Variants in CFAP299 observed in about 807,000 individuals in gnomAD.
CFAP299 encodes cilia- and flagella-associated protein 299.
CFAP299 carries 21 observed loss-of-function variants against 27.0 expected under a neutral mutation model. The ratio of observed to expected loss-of-function variants is 0.78; its 90% confidence interval spans 0.55 to 1.12. CFAP299 has a LOEUF of 1.12. CFAP299 is among the 50% of genes most tolerant of loss of function. CFAP299 has a pLI of 0.00. For missense variants in CFAP299, 310 were observed against 276.6 expected, an observed-to-expected ratio of 1.12 and a Z score of -0.86; for synonymous variants, 104 against 98.1, an observed-to-expected ratio of 1.06 and a Z score of -0.36.
chr4:80,440,484 A>G lies in CFAP299; in HGVS notation c.242+77600A>G, dbSNP rs1263142329. The stretch of plus-strand genomic sequence containing the variant: ...GGGCCTGACTGATAGAAGGAAAGCT[A>G]ACAAACAGAAATCAATAACATCAAC... On this transcript the variant is annotated intron_variant, in intron 2 of 5. Coordinates refer to ENST00000358105, the MANE Select transcript of CFAP299 (RefSeq NM_152770.3). 2.0e-5 allele frequency among the ~76,000 whole-genome samples: 3 copies of G among 152,212 alleles called. No individual in the cohort carries two copies. In the East Asian group the frequency reaches 5.8e-4, roughly 29 times the overall value.
intron 2 of CFAP299, among the ~76,000 whole-genome samples, chr4:80,380,399 A>C (rs914756206): frequency 4.7e-5 from 7 of 150,140 alleles, no homozygotes; most frequent in Non-Finnish European, 8.9e-5. Flanking sequence ...TTTCTTCAGA[A>C]TATTATTTAG....
At chr4:80,859,574 C>A (rs1268530372) in intron 3 of CFAP299, among the ~76,000 whole-genome samples, 1 of 152,034 alleles carries the variant, frequency 6.6e-6, no homozygotes, top group African/African-American at 2.4e-5. Context: ...ATGTTTAGCA[C>A]TTCCTTCAGG....
chr4:80,447,031 A>G (rs1173609994), intron 2 of CFAP299, among the ~76,000 whole-genome samples: 3 of 150,684 alleles, frequency 2.0e-5, no homozygotes, highest in African/African-American at 7.3e-5. Context: ...AATATTTTTT[A>G]CCTACTGCTT....
intron 2 of CFAP299, among the ~76,000 whole-genome samples, chr4:80,492,521 T>C (rs1279426064): frequency 1.3e-5 from 2 of 152,160 alleles, no homozygotes; most frequent in African/African-American, 2.4e-5. Context: ...AGTTTTTATG[T>C]AAGAGAAAAT....
At chr4:80,740,426 C>T (rs535954193) in intron 3 of CFAP299, among the ~76,000 whole-genome samples, 1 of 152,242 alleles carries the variant, frequency 6.6e-6, no homozygotes, top group South Asian at 2.1e-4. Flanking sequence ...CTCTGGATTA[C>T]CAGGCAGAGA....
intron 3 of CFAP299, among the ~76,000 whole-genome samples, chr4:80,796,952 G>A (rs2110102793): frequency 6.6e-6 from 1 of 152,200 alleles, no homozygotes; most frequent in South Asian, 2.1e-4. Context: ...CTGGCACTGG[G>A]GAAATGACCA....
intron 3 of CFAP299, among the ~76,000 whole-genome samples, chr4:80,803,686 T>C (rs928841593): frequency 6.7e-6 from 1 of 150,072 alleles, no homozygotes; most frequent in African/African-American, 2.4e-5. Context: ...TTAATTTTAT[T>C]ATTTAATATA....
chr4:80,955,162 C>T (rs1198527303), intron 5 of CFAP299, among the ~76,000 whole-genome samples: 1 of 151,972 alleles, frequency 6.6e-6, no homozygotes, highest in East Asian at 1.9e-4. Context: ...TACTTTGGAG[C>T]AGTTGAAAGC....
intron 2 of CFAP299, chr4:80,387,047 C>T (rs1725049387): frequency 2.2e-6 from 3 of 1,388,984 alleles, no homozygotes; most frequent in African/African-American, 2.8e-5. Context: ...GAAACACCTT[C>T]TAGCAGTGTG....
chr4:80,447,580 A>C (rs1231958482), intron 2 of CFAP299, among the ~76,000 whole-genome samples: 1 of 151,908 alleles, frequency 6.6e-6, no homozygotes, highest in Non-Finnish European at 1.5e-5. Flanking sequence ...CCTCAGTCCC[A>C]TGTAGCTGGG....
chr4:80,379,287 T>G, intron 2 of CFAP299, among the ~76,000 whole-genome samples: 1 of 152,010 alleles, frequency 6.6e-6, no homozygotes. Flanking sequence ...TCATTTTTTA[T>G]CTCTGATATT....
intron 2 of CFAP299, among the ~76,000 whole-genome samples, chr4:80,568,893 G>T (rs1253334140): frequency 1.3e-5 from 2 of 152,112 alleles, no homozygotes; most frequent in South Asian, 4.1e-4. Flanking sequence ...CAAAAGATAA[G>T]TTTCTGGCCC....
chr4:80,647,046 G>A (rs1419472628), intron 3 of CFAP299, among the ~76,000 whole-genome samples: 1 of 151,538 alleles, frequency 6.6e-6, no homozygotes, highest in East Asian at 1.9e-4. Flanking sequence ...AGATATAGAT[G>A]TACATATAGA....
intron 3 of CFAP299, among the ~76,000 whole-genome samples, chr4:80,679,594 T>A (rs1719700527): frequency 6.6e-6 from 1 of 151,912 alleles, no homozygotes; most frequent in Non-Finnish European, 1.5e-5. Flanking sequence ...TATTATCACT[T>A]TTTTAAAAAA....
chr4:80,515,601 T>A (rs547385747), intron 2 of CFAP299, among the ~76,000 whole-genome samples: 5 of 152,326 alleles, frequency 3.3e-5, no homozygotes, highest in Admixed American at 3.3e-4. Context: ...CAGTGAACTT[T>A]CCTTCTAGAG....
intron 4 of CFAP299, among the ~76,000 whole-genome samples, chr4:80,904,840 A>G (rs910847319): frequency 7.9e-5 from 12 of 152,244 alleles, no homozygotes; most frequent in African/African-American, 2.9e-4. Flanking sequence ...TTTCTTCTCC[A>G]GGAAACTCTG....
intron 3 of CFAP299, among the ~76,000 whole-genome samples, chr4:80,849,433 G>T (rs1731373584): frequency 6.6e-6 from 1 of 152,104 alleles, no homozygotes; most frequent in African/African-American, 2.4e-5. Flanking sequence ...ATGGTAAAAA[G>T]AATTCCCTGA....
At chr4:80,790,689 A>T (rs1727511158) in intron 3 of CFAP299, among the ~76,000 whole-genome samples, 1 of 152,000 alleles carries the variant, frequency 6.6e-6, no homozygotes, top group Non-Finnish European at 1.5e-5. Context: ...AGCCCCTAGA[A>T]CACAAAAAAT....
At chr4:80,918,049 A>T (rs546371969) in intron 4 of CFAP299, among the ~76,000 whole-genome samples, 1 of 152,312 alleles carries the variant, frequency 6.6e-6, no homozygotes, top group African/African-American at 2.4e-5. Flanking sequence ...TTGCTGTACC[A>T]TTAGCTCTGC....
Sources: gnomAD v4.1 joint callset for allele counts (sites outside exome capture counted in the v4.1 genomes callset) on GRCh38, gnomAD v4.1.1 for gene constraint, MANE v1.5 for transcripts, NCBI Gene and HGNC (gene_info 2026-07-23, HGNC 2026-07-21) for gene names.